DYM: variants seen among roughly 807,000 people sequenced by gnomAD.
The protein encoded by DYM is dymeclin, also known as dyggve-Melchior-Clausen syndrome protein.
A neutral mutation model predicts 93.1 loss-of-function variants in DYM; 78 were observed. The observed-to-expected ratio is 0.84, with a 90% CI of 0.70 to 1.01. The LOEUF is 1.01. DYM is among the 50% of genes least tolerant of loss of function. DYM has a pLI of 0.00. For synonymous variants in DYM, 321 were observed against 319.7 expected (o/e 1.00, Z -0.04); for missense variants, 789 against 845.0 (o/e 0.93, Z 0.82).
chr18:49,214,138 C>G (rs1433229721), intron 13 of DYM, among the ~76,000 whole-genome samples: 2 of 152,176 alleles, frequency 1.3e-5, no homozygotes. Flanking sequence ...GGATTCTGCT[C>G]TCATAGAACC....
chr18:49,268,653 T>A (rs2094613340), intron 11 of DYM, among the ~76,000 whole-genome samples: 1 of 152,226 alleles, frequency 6.6e-6, no homozygotes, highest in Non-Finnish European at 1.5e-5. Flanking sequence ...CTGATTATTT[T>A]GTTATTGCTG....
chr18:49,072,776 T>C (rs16950319), intron 17 of DYM, among the ~76,000 whole-genome samples: 18,491 of 152,136 alleles, frequency 0.12, 1,569 homozygotes, highest in East Asian at 0.27. Context: ...GCCGTGCAAA[T>C]AGGAGAGCTG....
chr18:49,209,476 G>T, intron 14 of DYM, 75 bp downstream of exon 14: 1 of 958,222 alleles, frequency 1.0e-6, no homozygotes, highest in Non-Finnish European at 1.3e-6. Context: ...ATTGACACAT[G>T]TCTTATTAAA....
At chr18:49,139,197 T>G (rs1354290835) in intron 15 of DYM, among the ~76,000 whole-genome samples, 1 of 152,176 alleles carries the variant, frequency 6.6e-6, no homozygotes, top group Non-Finnish European at 1.5e-5. Context: ...AAGAGAGCAG[T>G]TGAAATTCAA....
intron 14 of DYM, among the ~76,000 whole-genome samples, chr18:49,191,708 A>G (rs147227330): frequency 3.3e-5 from 5 of 152,354 alleles, no homozygotes; most frequent in Admixed American, 3.3e-4. Context: ...GGTAAAGAAC[A>G]GAAGTTCAAT....
chr18:49,388,076 C>G (rs1168765077), intron 3 of DYM, among the ~76,000 whole-genome samples: 1 of 152,158 alleles, frequency 6.6e-6, no homozygotes, highest in African/African-American at 2.4e-5. Context: ...CAGTAGCTCA[C>G]ACTTGTAATC....
intron 13 of DYM, among the ~76,000 whole-genome samples, chr18:49,227,870 T>C (rs2093584481): frequency 6.6e-6 from 1 of 152,148 alleles, no homozygotes; most frequent in Non-Finnish European, 1.5e-5. Flanking sequence ...TGCTGCTGAC[T>C]ATCTGGAGAT....
intron 17 of DYM, among the ~76,000 whole-genome samples, chr18:49,053,867 G>A (rs1287516790): frequency 6.6e-6 from 1 of 152,188 alleles, no homozygotes; most frequent in Non-Finnish European, 1.5e-5. Context: ...AGGAAAGAGA[G>A]GAATAACTTC....
intron 17 of DYM, among the ~76,000 whole-genome samples, chr18:49,066,254 T>C (rs1051376211): frequency 2.6e-5 from 4 of 152,140 alleles, no homozygotes; most frequent in African/African-American, 4.8e-5. Context: ...ACCACCCTGA[T>C]TTTTGTGGTA....
chr18:49,392,758 G>A (rs1288366144), intron 2 of DYM, among the ~76,000 whole-genome samples: 1 of 149,746 alleles, frequency 6.7e-6, no homozygotes, highest in African/African-American at 2.5e-5. Context: ...CACTTTGGGA[G>A]GCTGAGGAGG....
At chr18:49,367,245 T>C (rs2066608095) in intron 5 of DYM, among the ~76,000 whole-genome samples, 1 of 152,190 alleles carries the variant, frequency 6.6e-6, no homozygotes, top group Non-Finnish European at 1.5e-5. Flanking sequence ...TTATCATCCG[T>C]ATTGTGCAGA....
chr18:49,411,343 T>C (rs1222137727), intron 2 of DYM, among the ~76,000 whole-genome samples: 3 of 152,150 alleles, frequency 2.0e-5, no homozygotes, highest in Non-Finnish European at 4.4e-5. Flanking sequence ...AAAAATTATG[T>C]GAATTATAAA....
rs374857183 is a variant in DYM, at chr18:49,392,881, G to C, written c.141-1236C>G. 5.3e-5 allele frequency among the ~76,000 whole-genome samples: 8 copies of C among 150,858 alleles called. No homozygotes were observed. In the East Asian group the frequency reaches 5.9e-4, roughly 11 times the overall value. On this transcript the variant is annotated intron_variant, in intron 2 of 17. Transcript: ENST00000675505. ...ATGGTGGTACACGCCTGTGATCCCA[G>C]CTACTTGGGAGGATGCAGCAGGAGA...
chr18:49,422,492 A>C (rs1317711128), intron 2 of DYM, among the ~76,000 whole-genome samples: 4 of 152,214 alleles, frequency 2.6e-5, no homozygotes, highest in African/African-American at 4.8e-5. Flanking sequence ...CATCAACTAA[A>C]GGGCAAAATA....
At chr18:49,244,296 C>T (rs878862097) in intron 13 of DYM, among the ~76,000 whole-genome samples, 1 of 152,200 alleles carries the variant, frequency 6.6e-6, no homozygotes, top group Admixed American at 6.5e-5. Flanking sequence ...GACCATCTGT[C>T]ACAGGGTGTC....
intron 13 of DYM, among the ~76,000 whole-genome samples, chr18:49,243,291 T>TC (rs747876189): frequency 3.9e-5 from 6 of 152,136 alleles, no homozygotes; most frequent in Non-Finnish European, 1.5e-5. Flanking sequence ...GTCTGACACA[T>TC]GGTAGCCACA....
At chr18:49,375,435 T>C (rs964477585) in intron 5 of DYM, among the ~76,000 whole-genome samples, 10 of 151,998 alleles carry the variant, frequency 6.6e-5, no homozygotes, top group African/African-American at 2.2e-4. Context: ...TCAGTACCTA[T>C]CCCCTTCCCC....
chr18:49,419,120 T>C (rs866573371), intron 2 of DYM, among the ~76,000 whole-genome samples: 2 of 152,082 alleles, frequency 1.3e-5, no homozygotes, highest in Non-Finnish European at 2.9e-5. Flanking sequence ...ACCAGCACTT[T>C]GGGAGGTCAA....
At chr18:49,238,111 C>T (rs1432259546) in intron 13 of DYM, among the ~76,000 whole-genome samples, 2 of 152,178 alleles carry the variant, frequency 1.3e-5, no homozygotes, top group Non-Finnish European at 2.9e-5. Flanking sequence ...GATATTACCA[C>T]ATTCTTCATA....
Sources: allele counts gnomAD v4.1 joint callset (sites outside exome capture counted in the v4.1 genomes callset), GRCh38; gene constraint gnomAD v4.1.1; transcripts MANE v1.5; gene names NCBI Gene and HGNC (gene_info 2026-07-23, HGNC 2026-07-21).